The following COL19A1 variants were observed in gnomAD, a reference collection of about 807,000 sequenced individuals.
COL19A1 encodes collagen type XIX alpha 1 chain, also known as collagen alpha-1(XIX) chain.
Under a neutral mutation model 190.2 loss-of-function variants are expected in COL19A1, and 159 were observed. The ratio of observed to expected loss-of-function variants is 0.84; its 90% CI spans 0.73 to 0.95. The LOEUF (loss-of-function observed/expected upper bound fraction) is 0.95. Among genes scored for constraint, COL19A1 ranks in the 40% least tolerant of loss-of-function variants. The pLI is 0.00. For missense variants in COL19A1, 1,418 were observed against 1,431.9 expected, an observed-to-expected ratio of 0.99 and a Z score of 0.16; for synonymous variants, 509 against 458.9, an observed-to-expected ratio of 1.11 and a Z score of -1.39.
intron 15 of COL19A1, among the ~76,000 whole-genome samples, chr6:70,079,953 C>T (rs1782139217): frequency 6.6e-6 from 1 of 151,844 alleles, no homozygotes; most frequent in East Asian, 1.9e-4. Context: ...AAGATGCAAG[C>T]ACAACAAACA....
intron 15 of COL19A1, 65 bp from the exon 16 acceptor site, chr6:70,102,104 T>A (rs914405572): frequency 8.1e-7 from 1 of 1,229,212 alleles, no homozygotes; most frequent in African/African-American, 1.5e-5. Context: ...TCCCATTTAA[T>A]ATTGTTTGAT....
In COL19A1 at chr6:69,929,623, A is replaced by G. The variant is rs1455760858; in HGVS notation, c.589A>G (p.Thr197Ala). The G allele has an allele frequency of 9.3e-6, 15 of 1,613,942 alleles. No individual in the cohort carries two copies. Among genetic ancestry groups the G allele is most frequent in the Non-Finnish European group, 1.2e-5 (14 of 1,179,974 alleles). Residue 197 changes from threonine to alanine, a missense_variant, in exon 6 of 51, where the codon ACT becomes GCT. Thr to Ala is a moderately conservative substitution (Grantham distance 58). Coordinates refer to ENST00000620364, the MANE Select transcript of COL19A1 (RefSeq NM_001858.6). ...TTGTAATTTAATTGCGAGGAGGCAG[A>G]CTGATGAAAAGGACACTGTGGATTT... ...MDCNLIARRQ[T>A]DEKDTVDFHG...
intron 4 of COL19A1, among the ~76,000 whole-genome samples, chr6:69,903,203 A>G (rs1364362815): frequency 6.6e-6 from 1 of 152,198 alleles, no homozygotes; most frequent in African/African-American, 2.4e-5. Flanking sequence ...GTTTTAAACC[A>G]TATGTTGTCA....
intron 17 of COL19A1, among the ~76,000 whole-genome samples, chr6:70,128,361 A>G (rs1785325797): frequency 6.6e-6 from 1 of 152,196 alleles, no homozygotes; most frequent in African/African-American, 2.4e-5. Flanking sequence ...TTGAGTCACA[A>G]AGAAGAAAAT....
chr6:69,974,364 G>A (rs1400929513), intron 11 of COL19A1, among the ~76,000 whole-genome samples: 1 of 152,208 alleles, frequency 6.6e-6, no homozygotes, highest in Non-Finnish European at 1.5e-5. Context: ...GCCCTGGGGA[G>A]GAGTGTGGCA....
At chr6:69,914,774 A>G (rs944762506) in intron 4 of COL19A1, among the ~76,000 whole-genome samples, 1 of 152,210 alleles carries the variant, frequency 6.6e-6, no homozygotes, top group Non-Finnish European at 1.5e-5. Flanking sequence ...AACCACTGTA[A>G]TCAGTAATTA....
At position 70,144,255 on chromosome 6, in the gene COL19A1, G is replaced by A; in HGVS notation, c.1672G>A (p.Gly558Arg). ...TATCCCAGGAAAACAAGGCATTAAA[G>A]GAGAAAAGGTATAGTTTACATTTTC... ...HGIPGKQGIK[G>R]EKGDPGGIIG... is the part of the protein sequence containing the mutation. Residue 558 changes from glycine to arginine, a missense_variant, in exon 24 of 51, where the codon GGA becomes AGA. By Grantham distance (125) the Gly-to-Arg change is moderately radical. Transcript: ENST00000620364. 1 of 1,612,130 alleles carries A rather than the reference G, an allele frequency of 6.2e-7. No individual in the cohort carries two copies. Among genetic ancestry groups the A allele is most frequent in the Non-Finnish European group, 8.5e-7 (1 of 1,178,684 alleles).
intron 13 of COL19A1, 143 bp from the exon 14 acceptor site, chr6:70,035,761 C>T: frequency 1.6e-6 from 1 of 619,318 alleles, no homozygotes; most frequent in East Asian, 2.8e-5. Context: ...TTTCTTTATG[C>T]AGAGACTTTT....
At chr6:70,124,257 A>G (rs1181838375) in intron 17 of COL19A1, among the ~76,000 whole-genome samples, 1 of 152,188 alleles carries the variant, frequency 6.6e-6, no homozygotes, top group Admixed American at 6.6e-5. Flanking sequence ...AATGCTTCAA[A>G]ATAATGAGAA....
At chr6:70,180,620 C>A in intron 44 of COL19A1, 97 bp downstream of exon 44, 2 of 1,324,920 alleles carry the variant, frequency 1.5e-6, no homozygotes, top group African/African-American at 1.5e-5. Context: ...TTTGAATAAG[C>A]AGTTTCCAAG....
At position 70,156,227 on chromosome 6, in the gene COL19A1, G is replaced by T; in HGVS notation, c.2180G>T (p.Arg727Leu). Residue 727 changes from arginine to leucine, a missense_variant, in exon 32 of 51, where the codon CGG becomes CTG. Physicochemically the swap from Arg to Leu is moderately radical, Grantham distance 102. Transcript: ENST00000620364. ...GEPGKYDSMA[R>L]KGDIGPRGPP... ...CCTGGAAAGTATGATTCCATGGCCC[G>T]GAAGGTGAGAAGCCTGGCTGAATGT... is the stretch of plus-strand genomic sequence containing the variant. The T allele has an allele frequency of 1.2e-6, 2 of 1,613,270 alleles. No homozygotes were observed. The highest frequency in any genetic ancestry group is 1.7e-6 in the Non-Finnish European group (2 of 1,179,556).
rs1489315700 is a variant in COL19A1, at chr6:70,180,609, A to C, written c.2775+86A>C. 3 of 1,405,482 alleles carry C rather than the reference A, an allele frequency of 2.1e-6. No homozygotes were observed. The African/African-American group carries it at 4.3e-5, about 20-fold the overall frequency. 87.1% of individuals were successfully genotyped at this position (1,405,482 alleles called of 1,614,324 possible). A position where few individuals can be genotyped will look rare whatever the true frequency, so the allele number is the denominator to read the frequency against. ...CATCTACCACCTCAGAAATTCTGAG[A>C]TTTGAATAAGCAGTTTCCAAGGAGT... On this transcript the variant is annotated intron_variant, in intron 44 of 50. Transcript: ENST00000620364.
intron 18 of COL19A1, among the ~76,000 whole-genome samples, chr6:70,133,200 T>G (rs1021339344): frequency 4.6e-5 from 7 of 152,206 alleles, no homozygotes; most frequent in African/African-American, 1.4e-4. Context: ...ATTAAACACA[T>G]AAGTGATTCA....
At chr6:70,004,975 G>T (rs1193756640) in intron 11 of COL19A1, among the ~76,000 whole-genome samples, 1 of 151,948 alleles carries the variant, frequency 6.6e-6, no homozygotes, top group African/African-American at 2.4e-5. Context: ...TGGGACTACA[G>T]GTGCCTGCCA....
At chr6:69,953,896 C>T (rs1774265360) in intron 9 of COL19A1, among the ~76,000 whole-genome samples, 1 of 151,996 alleles carries the variant, frequency 6.6e-6, no homozygotes, top group Non-Finnish European at 1.5e-5. Flanking sequence ...TTATTTTATT[C>T]TTGGTGTAGA....
intron 4 of COL19A1, among the ~76,000 whole-genome samples, chr6:69,923,690 A>T (rs1278884937): frequency 6.6e-6 from 1 of 152,190 alleles, no homozygotes; most frequent in Non-Finnish European, 1.5e-5. Flanking sequence ...AGGACTCCAG[A>T]CACATATTTC....
chr6:69,974,745 C>G (rs1399458149), intron 11 of COL19A1, among the ~76,000 whole-genome samples: 2 of 150,186 alleles, frequency 1.3e-5, no homozygotes, highest in East Asian at 3.9e-4. Flanking sequence ...AGTGTTTTCT[C>G]TGATTATATG....
intron 9 of COL19A1, among the ~76,000 whole-genome samples, chr6:69,953,005 C>T (rs1293202502): frequency 6.6e-6 from 1 of 151,978 alleles, no homozygotes; most frequent in Admixed American, 6.6e-5. Flanking sequence ...GGCTTCCTCT[C>T]TATATTTCTA....
intron 16 of COL19A1, among the ~76,000 whole-genome samples, chr6:70,110,116 A>G (rs1314827747): frequency 1.3e-5 from 2 of 152,198 alleles, no homozygotes; most frequent in Admixed American, 1.3e-4. Flanking sequence ...ACATTTTTGG[A>G]CTGCTGAATA....
Sources: allele counts gnomAD v4.1 joint callset (sites outside exome capture counted in the v4.1 genomes callset), GRCh38; gene constraint gnomAD v4.1.1; transcripts MANE v1.5; gene names NCBI Gene and HGNC (gene_info 2026-07-23, HGNC 2026-07-21).